Variants in PLCH2 observed in about 807,000 individuals in gnomAD.
PLCH2 encodes 1-phosphatidylinositol 4,5-bisphosphate phosphodiesterase eta-2.
A neutral mutation model predicts 134.7 loss-of-function variants in PLCH2; 98 were observed. That is an observed-to-expected ratio of 0.73 (90% CI 0.62 to 0.86). The LOEUF is 0.86. PLCH2 is among the 40% of genes least tolerant of loss of function. The probability of loss-of-function intolerance (pLI) is 0.00; values close to 1 mark genes in which losing one functional copy is unlikely to be tolerated. For synonymous variants in PLCH2, 974 were observed against 827.5 expected, an observed-to-expected ratio of 1.18 and a Z score of -3.04; for missense variants, 1,994 against 1,986.6, an observed-to-expected ratio of 1.00 and a Z score of -0.07.
intron 2 of PLCH2, among the ~76,000 whole-genome samples, chr1:2,438,460 T>C (rs35226271): frequency 0.12 from 18,991 of 152,066 alleles, 1,288 homozygotes; most frequent in African/African-American, 0.17. Flanking sequence ...TCCTGTACTG[T>C]CTCCCATGCC....
Position 2,456,076 on chromosome 1 carries a change from C to T in PLCH2, c.116-22400C>T, listed in dbSNP as rs193106617. 1.2e-4 allele frequency among the ~76,000 whole-genome samples: 18 copies of T among 152,362 alleles called. No homozygotes were observed. The East Asian group carries it at 3.3e-3, about 28-fold the overall frequency. ...AGATTCCGTGTTTGTAAGGAAACAG[C>T]GTCGCCTGGGGCAGCATTGGCTGTG... On this transcript the variant is annotated intron_variant, in intron 2 of 3. Coordinates refer to the PLCH2 transcript ENST00000609981.
At chr1:2,500,004 G>A (rs1643128177) in intron 20 of PLCH2, 1 of 547,896 alleles carries the variant, frequency 1.8e-6, no homozygotes, top group Non-Finnish European at 3.3e-6. Flanking sequence ...ACCCATGCCT[G>A]TCTCAGACTC....
chr1:2,499,193 T>C lies in PLCH2; in HGVS notation c.2544T>C (p.Ile848=). 6.2e-7 allele frequency: 1 copy of C among 1,613,102 alleles called. No individual in the cohort carries two copies. Among genetic ancestry groups the C allele is most frequent in the African/African-American group, 1.3e-5 (1 of 75,038 alleles). ...ACGATCCCATCGGGCGTGACTTCAT[T>C]GGCCAGAGGACGCTGGCCTTCAGCA... ...WDHDPIGRDF[I]GQRTLAFSSM... The change falls in exon 19 of 22, where the codon ATT becomes ATC. Residue 848 remains isoleucine (I), a synonymous_variant. Coordinates refer to ENST00000378486, the MANE Select transcript of PLCH2 (RefSeq NM_014638.4).
chr1:2,500,741 G>A (rs1301120987), intron 20 of PLCH2: 1 of 151,876 alleles, frequency 6.6e-6, no homozygotes, highest in East Asian at 2.0e-4. Context: ...GCAGATCCAG[G>A]GTTCAGCTGG....
intron 14 of PLCH2, 34 bp from the exon 15 acceptor site, chr1:2,496,794 C>A (rs749016526): frequency 6.2e-7 from 1 of 1,610,422 alleles, no homozygotes; most frequent in South Asian, 1.1e-5. Flanking sequence ...AGGTCGAGGA[C>A]TGGCAGTCTG....
At chr1:2,487,399 C>T (rs781231997) in intron 7 of PLCH2, 23 bp downstream of exon 7, 130 of 1,596,720 alleles carry the variant, frequency 8.1e-5, no homozygotes, top group Admixed American at 2.0e-4. Flanking sequence ...CCTTGGGTGA[C>T]GGCCGTGGGC....
chr1:2,449,835 G>T (rs1053381406), intron 2 of PLCH2, among the ~76,000 whole-genome samples: 1 of 152,316 alleles, frequency 6.6e-6, no homozygotes, highest in East Asian at 1.9e-4. Context: ...CCCCAGCCTC[G>T]CCCCGTCCTG....
intron 21 of PLCH2, 59 bp downstream of exon 21, chr1:2,502,468 C>G (rs918207818): frequency 1.4e-5 from 20 of 1,480,284 alleles, no homozygotes; most frequent in Non-Finnish European, 1.8e-5. Context: ...CCCCGCGTGT[C>G]CTGGACGGCC....
chr1:2,418,278 T>A, the PLCH2 span, among the ~76,000 whole-genome samples: 2 of 152,256 alleles, frequency 1.3e-5, no homozygotes, highest in Non-Finnish European at 2.9e-5. Context: ...AGTGACAGCG[T>A]CCAGCATTCC....
chr1:2,491,561 G>A (rs945761939), intron 11 of PLCH2, among the ~76,000 whole-genome samples: 3 of 152,256 alleles, frequency 2.0e-5, no homozygotes, highest in Non-Finnish European at 4.4e-5. Flanking sequence ...GAGCTGCCCA[G>A]CTGGGGGGAC....
At position 2,498,617 on chromosome 1, in the gene PLCH2, G is replaced by A. The variant is rs370734477; in HGVS notation, c.2319G>A (p.Pro773=). 1.8e-5 allele frequency: 28 copies of A among 1,585,754 alleles called. No individual in the cohort carries two copies. The highest frequency in any genetic ancestry group is 1.1e-4 in the East Asian group (5 of 43,532). ...TCAGTGGCCAGCAGCTTCCCAAGCC[G>A]CGCGACTCCATGCTGGGGGACCGTG... ...RIISGQQLPK[P]RDSMLGDRGE... The change falls in exon 17 of 22, where the codon CCG becomes CCA. Residue 773 remains proline, a synonymous_variant. Transcript: ENST00000378486. This position sits in a 1 kb window ranked among gnomAD's most constrained non-coding sequence, Gnocchi z 5.4.
chr1:2,484,006 T>TG (rs1167715676), intron 4 of PLCH2, among the ~76,000 whole-genome samples: 1 of 84,164 alleles, frequency 1.2e-5, no homozygotes, highest in East Asian at 2.9e-4. Flanking sequence ...GACTCCCGTG[T>TG]GGGGGGGCGC....
rs183499381 is a variant in PLCH2 at position 2,501,724 on chromosome 1, G to A, written c.2662-388G>A. 154 of 208,746 alleles carry A rather than the reference G, an allele frequency of 7.4e-4. 3 individuals carry two copies. Among genetic ancestry groups the A allele is most frequent in the African/African-American group, 3.4e-3 (150 of 43,764 alleles). 12.9% of individuals were successfully genotyped at this position (208,746 alleles called of 1,614,324 possible). A position where few individuals can be genotyped will look rare whatever the true frequency, so the allele number is the denominator to read the frequency against. The stretch of plus-strand genomic sequence containing the variant: ...CCAGTGTCCCCTGCTAGCGCCGGGG[G>A]CTGCGGGCCTCTGAGCAGGTGCAGG... On this transcript the variant is annotated intron_variant, in intron 20 of 21. Transcript: ENST00000378486.
intron 12 of PLCH2, 62 bp downstream of exon 12, chr1:2,495,010 G>T: frequency 8.9e-7 from 1 of 1,129,192 alleles, no homozygotes; most frequent in Non-Finnish European, 1.2e-6. Flanking sequence ...TGCTCCCAGT[G>T]CCCCGTGTCC....
chr1:2,490,022 C>T (rs1642485476), intron 10 of PLCH2, among the ~76,000 whole-genome samples, 155 bp downstream of exon 10: 1 of 151,904 alleles, frequency 6.6e-6, no homozygotes, highest in Non-Finnish European at 1.5e-5. Context: ...CTGGGGGGTC[C>T]TCCCTGCCCA....
At chr1:2,503,632 G>A (rs991800131) in intron 21 of PLCH2, 17 of 696,774 alleles carry the variant, frequency 2.4e-5, no homozygotes, top group Non-Finnish European at 3.4e-5. Flanking sequence ...AACTGAGAGC[G>A]GCGAGTGACA....
chr1:2,438,759 C>G (rs953342783), intron 2 of PLCH2, among the ~76,000 whole-genome samples: 2 of 152,220 alleles, frequency 1.3e-5, no homozygotes, highest in Non-Finnish European at 1.5e-5. Flanking sequence ...CTGGGAGCAC[C>G]CCCCGTCCCG....
intron 11 of PLCH2, among the ~76,000 whole-genome samples, chr1:2,491,669 G>T (rs560033785): frequency 6.6e-6 from 1 of 152,382 alleles, no homozygotes; most frequent in East Asian, 1.9e-4. Context: ...GGCTGTCATG[G>T]CAGACACAAT....
chr1:2,502,612 G>A, intron 21 of PLCH2: 2 of 694,442 alleles, frequency 2.9e-6, no homozygotes, highest in Non-Finnish European at 5.3e-6. Context: ...CCATTCGCCA[G>A]CAGCCCCGGG....
Sources: allele counts gnomAD v4.1 joint callset (sites outside exome capture counted in the v4.1 genomes callset), GRCh38; gene constraint gnomAD v4.1.1; non-coding constraint Gnocchi (gnomAD v3.1); transcripts MANE v1.5; gene names NCBI Gene and HGNC (gene_info 2026-07-23, HGNC 2026-07-21).